Variants in PTPRD observed in about 807,000 individuals in gnomAD.
PTPRD encodes the protein receptor-type tyrosine-protein phosphatase delta.
Under a neutral mutation model 214.5 loss-of-function variants are expected in PTPRD, and 34 were observed. The observed-to-expected ratio is 0.16, with a 90% CI of 0.12 to 0.21. The LOEUF (loss-of-function observed/expected upper bound fraction) is 0.21. Among genes scored for constraint, PTPRD ranks in the 10% least tolerant of loss-of-function variants. The pLI, the probability that PTPRD is intolerant of heterozygous loss-of-function variation, is 1.00. For missense variants in PTPRD, 2,545 were observed against 2,398.7 expected, an observed-to-expected ratio of 1.06 and a Z score of -1.27; for synonymous variants, 1,128 against 845.7, an observed-to-expected ratio of 1.33 and a Z score of -5.79.
intron 5 of PTPRD, among the ~76,000 whole-genome samples, chr9:9,911,648 A>C (rs1284142658): frequency 6.6e-6 from 1 of 152,142 alleles, no homozygotes; most frequent in Admixed American, 6.6e-5. Context: ...TGTTGCTTTT[A>C]TATTTCCCTT....
At chr9:8,790,861 A>C (rs1459630378) in intron 11 of PTPRD, among the ~76,000 whole-genome samples, 2 of 152,224 alleles carry the variant, frequency 1.3e-5, no homozygotes, top group African/African-American at 4.8e-5. Context: ...TTTAAAATTA[A>C]AAGTAAAAAT....
intron 7 of PTPRD, among the ~76,000 whole-genome samples, chr9:9,593,778 G>A (rs2093008080): frequency 6.6e-6 from 1 of 151,982 alleles, no homozygotes; most frequent in South Asian, 2.1e-4. Flanking sequence ...AGCCACAATT[G>A]GAGTAAGAAT....
chr9:8,651,079 T>C (rs1451273823), intron 12 of PTPRD, among the ~76,000 whole-genome samples: 2 of 152,184 alleles, frequency 1.3e-5, no homozygotes, highest in Non-Finnish European at 2.9e-5. Flanking sequence ...CGGTATTTAT[T>C]TTACATATTA....
At chr9:8,933,340 G>GTTTTGTTTTTTTTTTTTTTTTTTTTTTT (rs2098966631) in intron 11 of PTPRD, among the ~76,000 whole-genome samples, 1 of 80,430 alleles carries the variant, frequency 1.2e-5, no homozygotes, top group African/African-American at 5.1e-5. Context: ...CAACCTTGAG[G>GTTTTGTTTTTTTTTTTTTTTTTTTTTTT]TTTTTTTTTT....
At chr9:9,297,038 G>C (rs1317530006) in intron 9 of PTPRD, among the ~76,000 whole-genome samples, 1 of 151,620 alleles carries the variant, frequency 6.6e-6, no homozygotes, top group Non-Finnish European at 1.5e-5. Flanking sequence ...ATTTCTTCCT[G>C]AAATAGGTCT....
intron 12 of PTPRD, among the ~76,000 whole-genome samples, chr9:8,669,284 C>A (rs1192864685): frequency 6.6e-6 from 1 of 152,068 alleles, no homozygotes; most frequent in Non-Finnish European, 1.5e-5. Context: ...TGTTTTACTC[C>A]CCCTCCACTA....
intron 12 of PTPRD, among the ~76,000 whole-genome samples, chr9:8,718,080 A>C (rs2098455511): frequency 6.6e-6 from 1 of 152,246 alleles, no homozygotes; most frequent in African/African-American, 2.4e-5. Flanking sequence ...GTGAGACCTG[A>C]AAGGCAAAGC....
intron 11 of PTPRD, among the ~76,000 whole-genome samples, chr9:8,915,018 A>G (rs1167318070): frequency 1.3e-5 from 2 of 152,156 alleles, no homozygotes; most frequent in East Asian, 1.9e-4. Flanking sequence ...ACGAGAACAC[A>G]TGTTCAAGGA....
rs950493832 is a variant in PTPRD, at chr9:10,607,587, G to A, written c.-600+4811C>T. On this transcript the variant is annotated intron_variant, in intron 2 of 45. Transcript: ENST00000381196. ...GTATAGCATGATCTCCCAGACTTCA[G>A]TGATTTAAAATGTACATTTCATAGA... Among the ~76,000 whole-genome samples the A allele has an allele frequency of 2.1e-4, 32 of 151,886 alleles. No homozygotes were observed. The East Asian group carries it at 6.0e-3, about 28-fold the overall frequency.
intron 3 of PTPRD, among the ~76,000 whole-genome samples, chr9:10,290,248 T>A (rs1416483131): frequency 6.6e-6 from 1 of 152,142 alleles, no homozygotes; most frequent in East Asian, 1.9e-4. Context: ...ATTTCTTCCC[T>A]CAGTACTCTT....
intron 12 of PTPRD, chr9:8,713,384 C>T (rs1192912979): frequency 2.0e-5 from 21 of 1,073,814 alleles, no homozygotes; most frequent in Non-Finnish European, 1.3e-5. Flanking sequence ...TGCCACACAC[C>T]GCCCCTCTAC....
intron 12 of PTPRD, among the ~76,000 whole-genome samples, chr9:8,722,715 C>T (rs916623858): frequency 2.6e-5 from 4 of 152,042 alleles, no homozygotes; most frequent in Non-Finnish European, 1.5e-5. Flanking sequence ...ACAAATGTAC[C>T]GTCCTTCACT....
chr9:8,738,488 T>C (rs945282256), intron 11 of PTPRD, among the ~76,000 whole-genome samples: 2 of 151,856 alleles, frequency 1.3e-5, no homozygotes, highest in African/African-American at 2.4e-5. Context: ...GTATGGGAAA[T>C]GTAGAAAATT....
chr9:8,739,444 G>A (rs777073672), intron 11 of PTPRD, among the ~76,000 whole-genome samples: 2 of 152,266 alleles, frequency 1.3e-5, no homozygotes, highest in African/African-American at 4.8e-5. Context: ...TAGCTAGTGC[G>A]ACTGAGGAAG....
chr9:9,547,372 T>A (rs1426267626), intron 8 of PTPRD, among the ~76,000 whole-genome samples: 2 of 152,118 alleles, frequency 1.3e-5, no homozygotes, highest in South Asian at 2.1e-4. Context: ...CCTCTCTCCC[T>A]TTTTATTTAG....
At chr9:8,640,873 C>G (rs1166272664) in intron 12 of PTPRD, among the ~76,000 whole-genome samples, 1 of 133,190 alleles carries the variant, frequency 7.5e-6, no homozygotes, top group Non-Finnish European at 1.5e-5. Context: ...AATCCTTTCA[C>G]TAAGCATGGG....
At chr9:10,507,411 C>T (rs2046370493) in intron 2 of PTPRD, among the ~76,000 whole-genome samples, 1 of 152,102 alleles carries the variant, frequency 6.6e-6, no homozygotes, top group Admixed American at 6.5e-5. Context: ...CCCCATCAAG[C>T]TACCAATGAC....
intron 5 of PTPRD, among the ~76,000 whole-genome samples, chr9:9,879,783 G>A (rs886510352): frequency 5.3e-5 from 8 of 152,082 alleles, no homozygotes; most frequent in African/African-American, 1.7e-4. Flanking sequence ...AACATTTCTT[G>A]CTTCTTGGTT....
chr9:10,187,248 T>A (rs144675382), intron 3 of PTPRD, among the ~76,000 whole-genome samples: 13 of 152,170 alleles, frequency 8.5e-5, no homozygotes, highest in African/African-American at 3.1e-4. Context: ...ATAGGATGAA[T>A]AGATGAATCA....
Sources: gnomAD v4.1 joint callset for allele counts (sites outside exome capture counted in the v4.1 genomes callset) on GRCh38, gnomAD v4.1.1 for gene constraint, MANE v1.5 for transcripts, NCBI Gene and HGNC (gene_info 2026-07-23, HGNC 2026-07-21) for gene names.